PIAS1: variants seen among roughly 807,000 people sequenced by gnomAD.
PIAS1 encodes protein inhibitor of activated STAT 1.
Under a neutral mutation model 71.3 loss-of-function variants are expected in PIAS1, and 6 were observed. The observed-to-expected ratio is 0.08, with a 90% confidence interval of 0.05 to 0.17. PIAS1 has a LOEUF of 0.17. PIAS1 is among the 10% of genes least tolerant of loss of function. The probability of loss-of-function intolerance (pLI) is 1.00; values close to 1 mark genes in which losing one functional copy is unlikely to be tolerated. For synonymous variants in PIAS1, 303 were observed against 292.9 expected (o/e 1.03, Z -0.35); for missense variants, 555 against 793.6 (o/e 0.70, Z 3.61).
At chr15:68,147,103 A>G (rs72741112) in intron 6 of PIAS1, among the ~76,000 whole-genome samples, 2 of 152,158 alleles carry the variant, frequency 1.3e-5, no homozygotes, top group African/African-American at 4.8e-5. Flanking sequence ...TTGCATGCAT[A>G]TGATAATTTC....
chr15:68,177,294 A>AAAAAAAAAG lies in PIAS1; in HGVS notation c.1481+643_1481+644insAAAAAGAAA, dbSNP rs1382675309. ...ACTTTGTCTCAAAAAAAAAAAAAAA[A>AAAAAAAAAG]AAAGAAAGAAAAAATTTGTATTTCT... On this transcript the variant is annotated intron_variant, in intron 11 of 13. Transcript: ENST00000249636. Among the ~76,000 whole-genome samples, 6 of 150,974 alleles carry AAAAAAAAAG rather than the reference A, an allele frequency of 4.0e-5. No homozygotes were observed. In the East Asian group the frequency reaches 5.8e-4, roughly 15 times the overall value.
In PIAS1 at chr15:68,111,425, G is replaced by T. The variant is rs550589352; in HGVS notation, c.469+24675G>T. On this transcript the variant is annotated intron_variant, in intron 2 of 13. Coordinates refer to ENST00000249636, the MANE Select transcript of PIAS1 (RefSeq NM_016166.3). ...TGTAGTAATTTAAGCTGTGGAACTGGTGCCTGAATAAGCAGTTAATAAAGT... is the reference window on the plus strand; with the variant it reads ...TGTAGTAATTTAAGCTGTGGAACTGTTGCCTGAATAAGCAGTTAATAAAGT... Among the ~76,000 whole-genome samples the T allele has an allele frequency of 5.3e-5, 8 of 152,252 alleles. No homozygotes were observed. The East Asian group carries it at 1.5e-3, about 29-fold the overall frequency.
At chr15:68,114,814 G>C (rs1389109152) in intron 2 of PIAS1, among the ~76,000 whole-genome samples, 1 of 151,580 alleles carries the variant, frequency 6.6e-6, no homozygotes, top group Admixed American at 6.6e-5. Context: ...TCGTTTCTCT[G>C]TGGAACAATA....
At chr15:68,135,252 A>C (rs1478534137) in intron 2 of PIAS1, among the ~76,000 whole-genome samples, 1 of 20,446 alleles carries the variant, frequency 4.9e-5, no homozygotes, top group Admixed American at 3.7e-4. Flanking sequence ...TGACCCCCCC[A>C]CCTCCCTCCC....
At chr15:68,146,029 T>C (rs1434616182) in intron 5 of PIAS1, 123 bp downstream of exon 5, 5 of 651,216 alleles carry the variant, frequency 7.7e-6, no homozygotes, top group Admixed American at 2.4e-5. Context: ...TATATATTCA[T>C]TGACTGGGTG....
intron 12 of PIAS1, chr15:68,181,587 C>T (rs1031454735): frequency 2.3e-6 from 1 of 425,662 alleles, no homozygotes; most frequent in African/African-American, 2.0e-5. Flanking sequence ...GTGCAATAAT[C>T]TTTAGTTTTT....
chr15:68,183,661 C>A lies in PIAS1; in HGVS notation c.1656C>A (p.Asp552Glu), dbSNP rs189254119. ...ATTTCTTTCCTTTCTTATCAGGAGA[C>A]AATCAGGTATGTTATGAAAAATTTA... ...GLDFFPFLSG[D>E]NQHYNTSLLA... is the part of the protein sequence containing the mutation. Residue 552 changes from aspartate to glutamate, a missense_variant, in exon 13 of 14, where the codon GAC (aspartate) becomes GAA (glutamate). Physicochemically the swap from Asp to Glu is conservative, Grantham distance 45. Around this residue, in one of 5 missense-constraint regions of PIAS1, gnomAD observed 244 missense variants for 307.5 expected, o/e 0.79. Coordinates refer to ENST00000249636, the MANE Select transcript of PIAS1 (RefSeq NM_016166.3). 1 of 1,080,090 alleles carries A rather than the reference C, an allele frequency of 9.3e-7. No individual in the cohort carries two copies. Among genetic ancestry groups the A allele is most frequent in the African/African-American group, 1.6e-5 (1 of 63,580 alleles). The allele number at this position is 1,080,090 out of a possible 1,614,324, so 66.9% of individuals were successfully genotyped here. A position where few individuals can be genotyped will look rare whatever the true frequency, so the allele number is the denominator to read the frequency against.
At chr15:68,093,899 A>G (rs1047791683) in intron 2 of PIAS1, among the ~76,000 whole-genome samples, 2 of 152,164 alleles carry the variant, frequency 1.3e-5, no homozygotes, top group African/African-American at 4.8e-5. Flanking sequence ...TGGTCCTCCT[A>G]AATTCTGAAA....
Position 68,175,775 on chromosome 15 carries a change from G to A in PIAS1, c.1300+8G>A, listed in dbSNP as rs1354024830. 2 of 1,593,346 alleles carry A rather than the reference G, an allele frequency of 1.3e-6. No individual in the cohort carries two copies. Among genetic ancestry groups the A allele is most frequent in the Middle Eastern group, 1.7e-4 (1 of 6,022 alleles). On this transcript the variant is annotated splice_region_variant and intron_variant, in intron 10 of 13. Coordinates refer to ENST00000249636, the MANE Select transcript of PIAS1 (RefSeq NM_016166.3). ...CTTACAATGGAGTCGATGGTGAGTA[G>A]TTCTTCACAAGGAAGAGGCAGTCTC...
intron 1 of PIAS1, among the ~76,000 whole-genome samples, chr15:68,067,433 AT>A (rs11318148): frequency 0.99 from 150,526 of 151,798 alleles, 74,643 homozygotes; most frequent in Middle Eastern, 1. Context: ...CTAGTTGGTT[AT>A]TTTTTTTTCT....
At chr15:68,102,622 T>C (rs1202871564) in intron 2 of PIAS1, among the ~76,000 whole-genome samples, 1 of 152,224 alleles carries the variant, frequency 6.6e-6, no homozygotes, top group Non-Finnish European at 1.5e-5. Flanking sequence ...ATTTTATTCA[T>C]CAGCATTTTA....
intron 1 of PIAS1, among the ~76,000 whole-genome samples, chr15:68,062,034 G>C (rs1477236887): frequency 6.6e-6 from 1 of 152,198 alleles, no homozygotes; most frequent in Non-Finnish European, 1.5e-5. Flanking sequence ...GTTTCTGTCA[G>C]AGACTGGGGC....
chr15:68,107,777 A>G (rs2092484781), intron 2 of PIAS1, among the ~76,000 whole-genome samples: 1 of 152,060 alleles, frequency 6.6e-6, no homozygotes, highest in Non-Finnish European at 1.5e-5. Context: ...ATACTTAGCT[A>G]GATAAAACAC....
chr15:68,176,563 A>G lies in PIAS1; in HGVS notation c.1390A>G (p.Ile464Val). The change falls in exon 11 of 14, where the codon ATA (isoleucine) becomes GTA (valine). Residue 464 changes from isoleucine (I) to valine (V), a missense_variant. Transcript: ENST00000249636. ...GAAAGTAGAAGTGATTGACCTAACCATAGACAGTTCATCTGATGAAGAGGA... is the reference window on the plus strand; with the variant it reads ...GAAAGTAGAAGTGATTGACCTAACCGTAGACAGTTCATCTGATGAAGAGGA... ...NKKVEVIDLTIDSSSDEEEEE... is the reference protein window; with the variant it reads ...NKKVEVIDLTVDSSSDEEEEE... 1 of 1,613,358 alleles carries G rather than the reference A, an allele frequency of 6.2e-7. No homozygotes were observed. Among genetic ancestry groups the G allele is most frequent in the South Asian group, 1.1e-5 (1 of 91,014 alleles).
At chr15:68,102,677 A>G (rs1177371067) in intron 2 of PIAS1, among the ~76,000 whole-genome samples, 1 of 152,106 alleles carries the variant, frequency 6.6e-6, no homozygotes, top group Non-Finnish European at 1.5e-5. Flanking sequence ...TTAGACCTGT[A>G]CTTAAATATT....
rs1409112958 is a variant in PIAS1, at chr15:68,191,428, G to A, written c.*3593G>A. The A allele has an allele frequency of 1.3e-5, 2 of 152,608 alleles. No individual in the cohort carries two copies. The highest frequency in any genetic ancestry group is 2.9e-5 in the Non-Finnish European group (2 of 68,032). The allele number at this position is 152,608 out of a possible 1,614,324, so 9.5% of individuals were successfully genotyped here. On this transcript the variant is annotated 3_prime_UTR_variant, in exon 14 of 14. Transcript: ENST00000249636. Reference sequence around the variant, plus strand: ...ATTGAATGTTACCTGTTTATGTAGAGCTCTTTAGATGTAATAAAAGAAAAG... The same window carrying A: ...ATTGAATGTTACCTGTTTATGTAGAACTCTTTAGATGTAATAAAAGAAAAG...
At chr15:68,150,048 A>G (rs2092834623) in intron 6 of PIAS1, among the ~76,000 whole-genome samples, 2 of 152,054 alleles carry the variant, frequency 1.3e-5, no homozygotes, top group Non-Finnish European at 2.9e-5. Flanking sequence ...TTATATCAAA[A>G]TTCTTTTTGA....
At chr15:68,079,325 A>G (rs1597140983) in intron 1 of PIAS1, among the ~76,000 whole-genome samples, 1 of 152,172 alleles carries the variant, frequency 6.6e-6, no homozygotes, top group African/African-American at 2.4e-5. Context: ...TGATCCAAAA[A>G]GCATTTATTG....
Position 68,068,818 on chromosome 15 carries a change from C to T in PIAS1, c.24+14468C>T, listed in dbSNP as rs370086596. On this transcript the variant is annotated intron_variant, in intron 1 of 13. Coordinates refer to ENST00000249636, the MANE Select transcript of PIAS1 (RefSeq NM_016166.3). The stretch of plus-strand genomic sequence containing the variant: ...GCTCTCATCCACGAAGAAGTTGAAT[C>T]GTCAGAGTTATGAGAAAAGTCCAGC... Among the ~76,000 whole-genome samples the T allele has an allele frequency of 2.1e-4, 32 of 151,468 alleles. 1 individual carries two copies. The East Asian group carries it at 3.5e-3, about 17-fold the overall frequency.
Sources: gnomAD v4.1 joint callset for allele counts (sites outside exome capture counted in the v4.1 genomes callset) on GRCh38, gnomAD v4.1.1 for gene constraint, gnomAD v4.1.1 regional missense constraint, MANE v1.5 for transcripts, NCBI Gene and HGNC (gene_info 2026-07-23, HGNC 2026-07-21) for gene names.